ERC2: variants seen among roughly 807,000 people sequenced by gnomAD.
ERC2 encodes the protein ERC protein 2.
In ERC2, 42 loss-of-function variants were observed where a neutral mutation model predicts 114.8. The observed-to-expected ratio is 0.37, with a 90% CI of 0.29 to 0.47. ERC2 has a LOEUF of 0.47. Among genes scored for constraint, ERC2 ranks in the 20% least tolerant of loss-of-function variants. ERC2 has a pLI of 0.99. For missense variants in ERC2, 939 were observed against 1,150.7 expected, an observed-to-expected ratio of 0.82 and a Z score of 2.66; for synonymous variants, 454 against 425.5, an observed-to-expected ratio of 1.07 and a Z score of -0.82.
chr3:55,623,755 C>T (rs1038921519), intron 17 of ERC2, among the ~76,000 whole-genome samples: 2 of 152,194 alleles, frequency 1.3e-5, no homozygotes, highest in African/African-American at 2.4e-5. Flanking sequence ...AATAGAGGAA[C>T]GACACAGCAG....
intron 2 of ERC2, among the ~76,000 whole-genome samples, chr3:56,364,211 A>T (rs1187699511): frequency 6.6e-6 from 1 of 152,174 alleles, no homozygotes; most frequent in Admixed American, 6.5e-5. Context: ...CAAAAAAGTA[A>T]ATTGAAAGTT....
intron 17 of ERC2, among the ~76,000 whole-genome samples, chr3:55,614,465 T>G (rs992073815): frequency 6.6e-6 from 1 of 152,144 alleles, no homozygotes; most frequent in African/African-American, 2.4e-5. Flanking sequence ...CTTTGAGCTG[T>G]TCTCCTTCCT....
intron 3 of ERC2, among the ~76,000 whole-genome samples, chr3:56,220,808 T>A (rs1334546359): frequency 1.3e-5 from 2 of 152,224 alleles, no homozygotes; most frequent in African/African-American, 4.8e-5. Flanking sequence ...ATCTGGTATT[T>A]CCTAGTTATT....
At chr3:55,622,257 T>G in intron 17 of ERC2, among the ~76,000 whole-genome samples, 1 of 152,180 alleles carries the variant, frequency 6.6e-6, no homozygotes, top group East Asian at 1.9e-4. Flanking sequence ...AAATATGAAG[T>G]GCTGACTCCA....
chr3:55,797,967 G>A (rs1202155539), intron 14 of ERC2, among the ~76,000 whole-genome samples: 1 of 152,170 alleles, frequency 6.6e-6, no homozygotes, highest in Non-Finnish European at 1.5e-5. Flanking sequence ...AGTAGACACA[G>A]GTGAAGAGAG....
At chr3:55,802,310 T>C (rs2059334060) in intron 14 of ERC2, among the ~76,000 whole-genome samples, 1 of 152,216 alleles carries the variant, frequency 6.6e-6, no homozygotes, top group Admixed American at 6.5e-5. Flanking sequence ...ACGCATTATG[T>C]ATTGAATAGG....
intron 13 of ERC2, among the ~76,000 whole-genome samples, chr3:55,935,802 C>T (rs2066406088): frequency 6.6e-6 from 1 of 152,166 alleles, no homozygotes; most frequent in South Asian, 2.1e-4. Flanking sequence ...CTCCAGACAG[C>T]CATTCCAAGC....
intron 3 of ERC2, among the ~76,000 whole-genome samples, chr3:56,191,018 G>T (rs1390843263): frequency 6.6e-6 from 1 of 152,192 alleles, no homozygotes; most frequent in African/African-American, 2.4e-5. Flanking sequence ...ATCCTGACAG[G>T]GAGCCAGGAA....
Position 56,171,030 on chromosome 3 carries a change from C to T in ERC2, c.1149+2416G>A, listed in dbSNP as rs376379377. Among the ~76,000 whole-genome samples the T allele has an allele frequency of 3.9e-5, 6 of 152,100 alleles. No homozygotes were observed. In the East Asian group the frequency reaches 1.2e-3, roughly 29 times the overall value. ...CCGCCTGCCTCGGCCTCCCAAAGGGCTGGGATTACAGGCTTGAGCCAATGC... is the reference window on the plus strand; with the variant it reads ...CCGCCTGCCTCGGCCTCCCAAAGGGTTGGGATTACAGGCTTGAGCCAATGC... On this transcript the variant is annotated intron_variant, in intron 4 of 17. Transcript: ENST00000288221.
At chr3:55,696,462 T>A (rs901288863) in intron 16 of ERC2, among the ~76,000 whole-genome samples, 1 of 152,234 alleles carries the variant, frequency 6.6e-6, no homozygotes, top group African/African-American at 2.4e-5. Context: ...ATGTACATTA[T>A]GAACATTTAG....
intron 14 of ERC2, among the ~76,000 whole-genome samples, chr3:55,791,805 G>T (rs2070053042): frequency 6.6e-6 from 1 of 152,118 alleles, no homozygotes; most frequent in Admixed American, 6.6e-5. Flanking sequence ...GAGATACAAG[G>T]AATCCAGATT....
At chr3:55,862,350 G>A (rs945201695) in intron 14 of ERC2, among the ~76,000 whole-genome samples, 1 of 152,124 alleles carries the variant, frequency 6.6e-6, no homozygotes, top group East Asian at 1.9e-4. Context: ...TTGGAAGGGG[G>A]TGTCCCTTCC....
chr3:55,927,834 C>T (rs538573245), intron 13 of ERC2, among the ~76,000 whole-genome samples: 1 of 152,150 alleles, frequency 6.6e-6, no homozygotes, highest in South Asian at 2.1e-4. Context: ...TTTTAGCTCC[C>T]ACAAATAAGT....
rs566283740 is a variant in ERC2, at chr3:55,682,464, G to A, written c.*39+1330C>T. 8.5e-5 allele frequency among the ~76,000 whole-genome samples: 13 copies of A among 152,232 alleles called. No homozygotes were observed. In the East Asian group the frequency reaches 2.3e-3, roughly 27 times the overall value. ...TGTCGTACCTGAAAACCACCATCCT[G>A]TGAACTGCCCCCTCAGTACCAAAAA... On this transcript the variant is annotated intron_variant, in intron 17 of 17. Transcript: ENST00000288221.
chr3:56,235,351 T>C (rs1317787940), intron 3 of ERC2, among the ~76,000 whole-genome samples: 1 of 152,238 alleles, frequency 6.6e-6, no homozygotes, highest in East Asian at 1.9e-4. Context: ...TGATATTTGC[T>C]ACTTGCCATG....
intron 13 of ERC2, among the ~76,000 whole-genome samples, chr3:55,915,447 A>G (rs1372473561): frequency 2.6e-5 from 4 of 152,184 alleles, no homozygotes; most frequent in African/African-American, 4.8e-5. Flanking sequence ...ATTAATTTAT[A>G]ATACACCTTG....
intron 17 of ERC2, among the ~76,000 whole-genome samples, chr3:55,539,742 A>T (rs1025040779): frequency 7.2e-5 from 11 of 151,874 alleles, no homozygotes; most frequent in Admixed American, 1.3e-4. Flanking sequence ...ACACATTTTC[A>T]CACTGAAAGC....
At chr3:55,799,616 A>C (rs1340103471) in intron 14 of ERC2, among the ~76,000 whole-genome samples, 2 of 151,926 alleles carry the variant, frequency 1.3e-5, no homozygotes, top group African/African-American at 4.8e-5. Flanking sequence ...AGAGGTTAGG[A>C]TACTTTCCTA....
intron 2 of ERC2, among the ~76,000 whole-genome samples, chr3:56,299,991 C>T (rs2055753704): frequency 6.6e-6 from 1 of 152,150 alleles, no homozygotes; most frequent in Non-Finnish European, 1.5e-5. Context: ...AGGGAGCTGC[C>T]CCTTTGAATG....
Sources: gnomAD v4.1 joint callset for allele counts (sites outside exome capture counted in the v4.1 genomes callset) on GRCh38, gnomAD v4.1.1 for gene constraint, MANE v1.5 for transcripts, NCBI Gene and HGNC (gene_info 2026-07-23, HGNC 2026-07-21) for gene names.